The following CSMD1 variants were observed in gnomAD, a reference collection of about 807,000 sequenced individuals.
CSMD1 encodes the protein CUB and Sushi multiple domains 1.
Under a neutral mutation model 417.5 loss-of-function variants are expected in CSMD1, and 213 were observed. The observed-to-expected ratio is 0.51, with a 90% CI of 0.46 to 0.57. CSMD1 has a LOEUF of 0.57. CSMD1 is among the 20% of genes least tolerant of loss of function. CSMD1 has a pLI of 0.00. For missense variants in CSMD1, 6,923 were observed against 4,529.7 expected (o/e 1.53, Z -15.17); for synonymous variants, 2,862 against 1,736.8 (o/e 1.65, Z -16.11).
In CSMD1 at chr8:4,077,295, G is replaced by GTATATATATATATATATATATATA. The variant is rs1253192594; in HGVS notation, c.416-45197_416-45196insTATATATATATATATATATATATA. 3.0e-3 allele frequency among the ~76,000 whole-genome samples: 267 copies of GTATATATATATATATATATATATA among 88,884 alleles called. 1 individual carries two copies. Among genetic ancestry groups the GTATATATATATATATATATATATA allele is most frequent in the Non-Finnish European group, 4.1e-3 (174 of 42,712 alleles). The allele number at this position is 88,884 out of a possible 152,430, so 58.3% of individuals were successfully genotyped here. Reference sequence around the variant, plus strand: ...ATTTGTCACCTATATATATATATATGTGTATATATATATATATATATATAT... The same window carrying GTATATATATATATATATATATATA: ...ATTTGTCACCTATATATATATATATGTATATATATATATATATATATATATGTATATATATATATATATATATAT... On this transcript the variant is annotated intron_variant, in intron 3 of 69. Coordinates refer to ENST00000635120, the MANE Select transcript of CSMD1 (RefSeq NM_033225.6).
chr8:4,489,413 CAA>C (rs1401766587), intron 2 of CSMD1, among the ~76,000 whole-genome samples: 3 of 152,176 alleles, frequency 2.0e-5, no homozygotes, highest in African/African-American at 7.2e-5. Flanking sequence ...TACCATTCTT[CAA>C]AGTGATGCTC....
intron 1 of CSMD1, among the ~76,000 whole-genome samples, chr8:4,906,729 G>C (rs1490618007): frequency 2.0e-5 from 3 of 152,048 alleles, no homozygotes; most frequent in Non-Finnish European, 2.9e-5. Context: ...GCTAATTTTT[G>C]TATTTTTTTT....
chr8:3,055,831 C>T (rs969522743), intron 49 of CSMD1, among the ~76,000 whole-genome samples: 1 of 152,172 alleles, frequency 6.6e-6, no homozygotes, highest in Non-Finnish European at 1.5e-5. Flanking sequence ...TCAGTTCTTG[C>T]TGTACCTCTC....
intron 30 of CSMD1, among the ~76,000 whole-genome samples, chr8:3,210,987 G>T (rs1005818583): frequency 1.3e-5 from 2 of 151,836 alleles, no homozygotes; most frequent in African/African-American, 2.4e-5. Context: ...ATACACCAGG[G>T]GATGCAAAAA....
At chr8:3,357,223 A>AC (rs1355003724) in intron 21 of CSMD1, among the ~76,000 whole-genome samples, 1 of 152,188 alleles carries the variant, frequency 6.6e-6, no homozygotes, top group Non-Finnish European at 1.5e-5. Context: ...AAGGCTAAAT[A>AC]CAAAAAGGGC....
intron 10 of CSMD1, among the ~76,000 whole-genome samples, chr8:3,540,547 T>C (rs10087677): frequency 0.04 from 6,036 of 152,100 alleles, 348 homozygotes; most frequent in African/African-American, 0.12. Flanking sequence ...CTAATTAAAG[T>C]AAAGAGCTTC....
intron 3 of CSMD1, among the ~76,000 whole-genome samples, chr8:4,276,093 C>T (rs1014148820): frequency 2.0e-5 from 3 of 152,128 alleles, no homozygotes; most frequent in African/African-American, 7.2e-5. Context: ...ACTTGAAATA[C>T]CATTTGACCC....
intron 5 of CSMD1, among the ~76,000 whole-genome samples, chr8:3,911,484 C>T (rs538243441): frequency 1.6e-4 from 24 of 149,964 alleles, no homozygotes; most frequent in Non-Finnish European, 2.8e-4. Context: ...GCCAAGATTG[C>T]GCCACTGCAC....
At chr8:4,214,854 G>C (rs558201858) in intron 3 of CSMD1, among the ~76,000 whole-genome samples, 1 of 151,912 alleles carries the variant, frequency 6.6e-6, no homozygotes, top group Non-Finnish European at 1.5e-5. Context: ...ATGACCACCA[G>C]GTTTAGATAG....
rs576267119 is a variant in CSMD1 at position 3,206,441 on chromosome 8, G to A, written c.4868-821C>T. Among the ~76,000 whole-genome samples the A allele has an allele frequency of 1.7e-4, 12 of 72,590 alleles. No individual in the cohort carries two copies. In the South Asian group the frequency reaches 1.8e-3, roughly 11 times the overall value. 47.6% of individuals were successfully genotyped at this position (72,590 alleles called of 152,430 possible). ...TGTGTATGTGTGTGTGTGGGTGTAT[G>A]TGTGTGTGTATGTGTGTGTGGGGGG... is the stretch of plus-strand genomic sequence containing the variant. On this transcript the variant is annotated intron_variant, in intron 30 of 69. Coordinates refer to ENST00000635120, the MANE Select transcript of CSMD1 (RefSeq NM_033225.6).
intron 5 of CSMD1, among the ~76,000 whole-genome samples, chr8:3,996,442 A>T (rs78340488): frequency 1.5e-5 from 1 of 68,746 alleles, no homozygotes; most frequent in Non-Finnish European, 2.9e-5. Flanking sequence ...TTCATTTTTA[A>T]GATTTTTTTT....
At chr8:3,477,303 C>A (rs1241915677) in intron 11 of CSMD1, among the ~76,000 whole-genome samples, 1 of 152,128 alleles carries the variant, frequency 6.6e-6, no homozygotes, top group East Asian at 1.9e-4. Context: ...GAAAATTTGA[C>A]AATGGAAACG....
At chr8:3,205,944 C>T (rs756292462) in intron 30 of CSMD1, among the ~76,000 whole-genome samples, 12 of 152,128 alleles carry the variant, frequency 7.9e-5, no homozygotes, top group African/African-American at 1.4e-4. Flanking sequence ...TAGAAAGTCT[C>T]GCGGAGTTGT....
intron 1 of CSMD1, among the ~76,000 whole-genome samples, chr8:4,881,533 GTTTT>G (rs67009139): frequency 2.3e-4 from 31 of 132,120 alleles, no homozygotes; most frequent in South Asian, 1.2e-3. Flanking sequence ...CTCGAAGTTA[GTTTT>G]TTTTTTTTTT....
intron 2 of CSMD1, among the ~76,000 whole-genome samples, chr8:4,550,048 T>C (rs1336229698): frequency 6.6e-6 from 1 of 152,080 alleles, no homozygotes; most frequent in Non-Finnish European, 1.5e-5. Context: ...CATTCCTTTT[T>C]GTCATCCTCA....
intron 50 of CSMD1, 42 bp downstream of exon 50, chr8:3,052,420 A>G: frequency 1.3e-6 from 2 of 1,509,336 alleles, no homozygotes; most frequent in Non-Finnish European, 1.8e-6. Context: ...TTCAGTTCCC[A>G]CCTAAACCCA....
At chr8:4,054,506 G>C (rs552762137) in intron 3 of CSMD1, among the ~76,000 whole-genome samples, 5 of 151,856 alleles carry the variant, frequency 3.3e-5, no homozygotes, top group Non-Finnish European at 5.9e-5. Context: ...TGTCGGTTTC[G>C]TCTACACCCT....
rs576324149 is a variant in CSMD1, at chr8:3,285,105, C to A, written c.3951-759G>T. ...GAAACACCAACAAAAATTAGCAGCC[C>A]TGAATGGGTCTGATTTACAGTTTTT... On this transcript the variant is annotated intron_variant, in intron 25 of 69. Coordinates refer to ENST00000635120, the MANE Select transcript of CSMD1 (RefSeq NM_033225.6). Among the ~76,000 whole-genome samples, 7 of 152,212 alleles carry A rather than the reference C, an allele frequency of 4.6e-5. No individual in the cohort carries two copies. In the South Asian group the frequency reaches 8.3e-4, roughly 18 times the overall value.
intron 3 of CSMD1, among the ~76,000 whole-genome samples, chr8:4,298,839 A>G (rs1797826817): frequency 6.6e-6 from 1 of 152,076 alleles, no homozygotes; most frequent in Admixed American, 6.6e-5. Context: ...ATAATAAAAA[A>G]TTATTTCTGG....
Sources: gnomAD v4.1 joint callset for allele counts (sites outside exome capture counted in the v4.1 genomes callset) on GRCh38, gnomAD v4.1.1 for gene constraint, MANE v1.5 for transcripts, NCBI Gene and HGNC (gene_info 2026-07-23, HGNC 2026-07-21) for gene names.